RPS6KC1: variants seen among roughly 807,000 people sequenced by gnomAD.
RPS6KC1 encodes inactive ribosomal protein S6 kinase delta-1.
In RPS6KC1, 54 loss-of-function variants were observed where a neutral mutation model predicts 103.8. The observed-to-expected ratio is 0.52, with a 90% CI of 0.42 to 0.65. The LOEUF (loss-of-function observed/expected upper bound fraction) is 0.65. Among genes scored for constraint, RPS6KC1 ranks in the 30% least tolerant of loss-of-function variants. The pLI is 0.00. For synonymous variants in RPS6KC1, 439 were observed against 438.7 expected, an observed-to-expected ratio of 1.00 and a Z score of -0.01; for missense variants, 1,151 against 1,253.8, an observed-to-expected ratio of 0.92 and a Z score of 1.24.
chr1:213,076,490 T>G (rs572352637), intron 2 of RPS6KC1, among the ~76,000 whole-genome samples: 165 of 152,292 alleles, frequency 1.1e-3, no homozygotes, highest in African/African-American at 3.8e-3. Flanking sequence ...ATGATTAAGT[T>G]TTTCAGAAGA....
At chr1:213,826,876 T>G in the RPS6KC1 span, among the ~76,000 whole-genome samples, 12 of 152,264 alleles carry the variant, frequency 7.9e-5, no homozygotes, top group African/African-American at 2.6e-4. Flanking sequence ...GAGCCAAGAT[T>G]TCACGACAGG....
the RPS6KC1 span, among the ~76,000 whole-genome samples, chr1:213,485,670 A>G: frequency 1.3e-5 from 2 of 152,178 alleles, no homozygotes; most frequent in African/African-American, 4.8e-5. Context: ...AGACTTGCAC[A>G]CCACTAACTA....
chr1:213,400,587 G>A, the RPS6KC1 span, among the ~76,000 whole-genome samples: 3 of 152,068 alleles, frequency 2.0e-5, no homozygotes, highest in African/African-American at 4.8e-5. Context: ...GGTGACTTGC[G>A]CAAGGTCCTA....
the RPS6KC1 span, among the ~76,000 whole-genome samples, chr1:213,375,104 C>T: frequency 6.6e-6 from 1 of 151,348 alleles, no homozygotes; most frequent in Non-Finnish European, 1.5e-5. Flanking sequence ...CATATATAAA[C>T]ACATATACTT....
the RPS6KC1 span, among the ~76,000 whole-genome samples, chr1:213,814,372 G>A: frequency 6.6e-6 from 1 of 152,370 alleles, no homozygotes; most frequent in Admixed American, 6.5e-5. Flanking sequence ...ATCCAACTGA[G>A]AAGGAGCTAT....
chr1:213,413,231 A>G, the RPS6KC1 span, among the ~76,000 whole-genome samples: 2 of 152,260 alleles, frequency 1.3e-5, no homozygotes, highest in African/African-American at 4.8e-5. Context: ...TGAGGTATCC[A>G]TCACTTCAAG....
At chr1:213,624,003 G>GGAGGGCCAGTATTTTATTGAGGATTT in the RPS6KC1 span, among the ~76,000 whole-genome samples, 1 of 152,244 alleles carries the variant, frequency 6.6e-6, no homozygotes, top group African/African-American at 2.4e-5. Context: ...AGCATTGTGT[G>GGAGGGCCAGTATTTTATTGAGGATTT]TGGAGGGGCA....
At chr1:213,639,739 G>A in the RPS6KC1 span, among the ~76,000 whole-genome samples, 1 of 151,656 alleles carries the variant, frequency 6.6e-6, no homozygotes, top group African/African-American at 2.4e-5. Flanking sequence ...TTGCATTCCT[G>A]GAATAAACCC....
the RPS6KC1 span, among the ~76,000 whole-genome samples, chr1:213,431,330 G>A: frequency 2.0e-5 from 3 of 151,898 alleles, no homozygotes; most frequent in Non-Finnish European, 2.9e-5. Flanking sequence ...ACAAGTATAC[G>A]GAAAAGTACA....
At chr1:213,632,637 CT>C in the RPS6KC1 span, among the ~76,000 whole-genome samples, 1 of 152,246 alleles carries the variant, frequency 6.6e-6, no homozygotes, top group Admixed American at 6.5e-5. Context: ...AGCGCCTCTT[CT>C]CCTCCAAAGG....
intron 8 of RPS6KC1, among the ~76,000 whole-genome samples, chr1:213,178,544 AAAACAAAC>A (rs960289358): frequency 6.6e-6 from 1 of 151,924 alleles, no homozygotes; most frequent in African/African-American, 2.4e-5. Context: ...CTGTCTCAAA[AAAACAAAC>A]AAACAAACAA....
At chr1:213,841,654 T>G in the RPS6KC1 span, among the ~76,000 whole-genome samples, 1 of 152,190 alleles carries the variant, frequency 6.6e-6, no homozygotes, top group Non-Finnish European at 1.5e-5. Flanking sequence ...CTCATAGACA[T>G]GTTTCTGCAC....
chr1:213,834,189 C>T, the RPS6KC1 span, among the ~76,000 whole-genome samples: 4 of 152,124 alleles, frequency 2.6e-5, no homozygotes, highest in African/African-American at 4.8e-5. Flanking sequence ...ACAGGTAATG[C>T]ACCCAGCTAA....
the RPS6KC1 span, among the ~76,000 whole-genome samples, chr1:213,532,710 GC>G: frequency 8.5e-5 from 13 of 152,212 alleles, no homozygotes; most frequent in South Asian, 1.0e-3. Context: ...TTATCTCAGA[GC>G]TAGGAGCAGG....
At chr1:213,394,530 G>A in the RPS6KC1 span, among the ~76,000 whole-genome samples, 2 of 151,966 alleles carry the variant, frequency 1.3e-5, no homozygotes, top group Admixed American at 6.6e-5. Flanking sequence ...TACCTCCCTC[G>A]GTTTGGTGCA....
the RPS6KC1 span, among the ~76,000 whole-genome samples, chr1:213,631,201 G>T: frequency 6.6e-6 from 1 of 152,096 alleles, no homozygotes; most frequent in South Asian, 2.1e-4. Context: ...CATGCTCTGT[G>T]TGCTGCATCC....
At chr1:213,313,740 G>C in the RPS6KC1 span, among the ~76,000 whole-genome samples, 1 of 152,140 alleles carries the variant, frequency 6.6e-6, no homozygotes, top group Admixed American at 6.5e-5. Flanking sequence ...CAAGGCGGGC[G>C]GATCACCAGG....
the RPS6KC1 span, among the ~76,000 whole-genome samples, chr1:213,360,248 G>A: frequency 1.3e-5 from 2 of 152,136 alleles, no homozygotes; most frequent in Non-Finnish European, 2.9e-5. Context: ...TGGAGGCTTT[G>A]TTCGTTTCTT....
In RPS6KC1 at chr1:213,152,077, G is replaced by A. The variant is rs568098342; in HGVS notation, c.836-15781G>A. Among the ~76,000 whole-genome samples, 13 of 141,938 alleles carry A rather than the reference G, an allele frequency of 9.2e-5. No individual in the cohort carries two copies. In the East Asian group the frequency reaches 1.1e-3, roughly 12 times the overall value. The allele number at this position is 141,938 out of a possible 152,430, so 93.1% of individuals were successfully genotyped here. ...GGGCTAACCCCCCCACCTCCCTCCC[G>A]GACGGGGCGGCTGGCTGGGCAGAGG... On this transcript the variant is annotated intron_variant, in intron 6 of 14. Coordinates refer to ENST00000366960, the MANE Select transcript of RPS6KC1 (RefSeq NM_012424.6).
Sources: gnomAD v4.1 joint callset for allele counts (sites outside exome capture counted in the v4.1 genomes callset) on GRCh38, gnomAD v4.1.1 for gene constraint, MANE v1.5 for transcripts, NCBI Gene and HGNC (gene_info 2026-07-23, HGNC 2026-07-21) for gene names.